The following FRMPD4 variants were observed in gnomAD, a reference collection of about 807,000 sequenced individuals.
The protein encoded by FRMPD4 is FERM and PDZ domain-containing protein 4.
FRMPD4 carries 22 observed loss-of-function variants against 94.1 expected under a neutral mutation model. The ratio of observed to expected loss-of-function variants is 0.23; its 90% confidence interval spans 0.17 to 0.33. The LOEUF (loss-of-function observed/expected upper bound fraction) is 0.33, where lower values mean the gene tolerates loss of function less well. FRMPD4 is among the 10% of genes least tolerant of loss of function. The pLI, the probability that FRMPD4 is intolerant of heterozygous loss-of-function variation, is 1.00. For synonymous variants in FRMPD4, 631 were observed against 548.6 expected (o/e 1.15, Z -2.10); for missense variants, 1,111 against 1,339.9 (o/e 0.83, Z 2.67).
intron 2 of FRMPD4, among the ~76,000 whole-genome samples, chrX:12,558,061 G>A (rs1347582176): frequency 1.8e-5 from 2 of 112,513 alleles, no homozygotes; most frequent in Non-Finnish European, 3.8e-5. Flanking sequence ...AGGTCTGAAG[G>A]ATTCCAAAAA....
rs763794459 is a variant in FRMPD4 at position 12,718,281 on chromosome X, C to G, written c.3455C>G (p.Thr1152Ser). The change falls in exon 16 of 17, where the codon ACT (threonine) becomes AGT (serine). Residue 1152 changes from threonine to serine, a missense_variant. By Grantham distance (58) the Thr-to-Ser change is moderately conservative. Around this residue, in one of 8 missense-constraint regions of FRMPD4, gnomAD observed 551 missense variants for 591.6 expected, o/e 0.93. Coordinates refer to ENST00000675598, the MANE Select transcript of FRMPD4 (RefSeq NM_001368397.1). The part of the protein sequence containing the change: ...SGLGQGDRFL[T>S]DVTCASSAKD... ...CTTGGTCAAGGGGACCGCTTCTTAA[C>G]TGACGTGACCTGTGCATCTTCAGCC... 4.1e-6 allele frequency: 5 copies of G among 1,211,234 alleles called. No individual in the cohort carries two copies. Among genetic ancestry groups the G allele is most frequent in the South Asian group, 1.8e-5 (1 of 56,946 alleles).
chrX:12,439,898 G>T (rs1042091453), intron 1 of FRMPD4, among the ~76,000 whole-genome samples: 1 of 111,906 alleles, frequency 8.9e-6, no homozygotes, highest in Non-Finnish European at 1.9e-5. Context: ...TCCAAAAATG[G>T]GGGGTTGAAA....
At chrX:12,168,791 A>G (rs942755237) in intron 1 of FRMPD4, among the ~76,000 whole-genome samples, 1 of 109,454 alleles carries the variant, frequency 9.1e-6, no homozygotes, top group African/African-American at 3.3e-5. Flanking sequence ...ACGCCTGGCT[A>G]ATTTTTTGTA....
chrX:11,877,187 A>G (rs1022099835), intron 2 of FRMPD4, among the ~76,000 whole-genome samples: 28 of 112,375 alleles, frequency 2.5e-4, no homozygotes, highest in African/African-American at 9.0e-4. Flanking sequence ...AAATTACTGG[A>G]TAGGATCTAG....
At chrX:11,825,405 G>A (rs748329743) in intron 1 of FRMPD4, among the ~76,000 whole-genome samples, 1 of 110,869 alleles carries the variant, frequency 9.0e-6, no homozygotes, top group Non-Finnish European at 1.9e-5. Flanking sequence ...CATTAAACAA[G>A]TATGCCTCTT....
intron 2 of FRMPD4, among the ~76,000 whole-genome samples, chrX:12,541,286 T>G (rs1179051225): frequency 9.0e-5 from 10 of 111,051 alleles, no homozygotes; most frequent in Middle Eastern, 9.4e-3. Context: ...CTTCAAAAAA[T>G]CAATGAATCC....
At chrX:12,202,833 A>G (rs896809106) in intron 1 of FRMPD4, among the ~76,000 whole-genome samples, 2 of 111,871 alleles carry the variant, frequency 1.8e-5, no homozygotes, top group Admixed American at 1.9e-4. Flanking sequence ...AGAGGCTGAG[A>G]TAGAAGTGAT....
chrX:12,068,034 G>A (rs2054936310), intron 3 of FRMPD4, among the ~76,000 whole-genome samples: 2 of 111,710 alleles, frequency 1.8e-5, no homozygotes, highest in Non-Finnish European at 3.8e-5. Flanking sequence ...TTATAAGAGG[G>A]AGTCAGTAGG....
intron 2 of FRMPD4, among the ~76,000 whole-genome samples, chrX:12,556,906 G>A (rs780827593): frequency 5.4e-5 from 6 of 111,916 alleles, no homozygotes; most frequent in East Asian, 2.8e-4. Context: ...GTACAGTGGC[G>A]TGATCATGGC....
chrX:12,336,864 G>T (rs1327318895), intron 1 of FRMPD4, among the ~76,000 whole-genome samples: 1 of 111,577 alleles, frequency 9.0e-6, no homozygotes, highest in Non-Finnish European at 1.9e-5. Context: ...GTGTGTGTCG[G>T]CTCAAAGCTT....
intron 3 of FRMPD4, among the ~76,000 whole-genome samples, chrX:11,903,480 A>G (rs909740315): frequency 1.1e-5 from 1 of 94,441 alleles, no homozygotes; most frequent in African/African-American, 3.6e-5. Flanking sequence ...CACATCCTTG[A>G]TTCTTTATAG....
At chrX:12,474,488 C>T (rs1601991406) in intron 1 of FRMPD4, among the ~76,000 whole-genome samples, 1 of 111,288 alleles carries the variant, frequency 9.0e-6, no homozygotes, top group South Asian at 3.8e-4. Flanking sequence ...AATAGAGACA[C>T]AAAAAACCCT....
At chrX:12,268,598 C>T (rs2054308274) in intron 1 of FRMPD4, among the ~76,000 whole-genome samples, 2 of 111,946 alleles carry the variant, frequency 1.8e-5, no homozygotes, top group South Asian at 7.5e-4. Context: ...ATCTCCTACA[C>T]AGTGATAGGC....
intron 1 of FRMPD4, among the ~76,000 whole-genome samples, chrX:12,187,967 CA>C (rs2056444725): frequency 9.0e-6 from 1 of 111,591 alleles, no homozygotes; most frequent in Admixed American, 9.5e-5. Flanking sequence ...GTGAACACCC[CA>C]AACCAGCATT....
intron 3 of FRMPD4, among the ~76,000 whole-genome samples, chrX:11,901,139 GT>G (rs1179163995): frequency 9.0e-6 from 1 of 111,639 alleles, no homozygotes; most frequent in African/African-American, 3.3e-5. Context: ...GGTACAGGTG[GT>G]TTTTTGTTAC....
At chrX:12,565,166 A>G (rs181241641) in intron 2 of FRMPD4, among the ~76,000 whole-genome samples, 13 of 111,531 alleles carry the variant, frequency 1.2e-4, no homozygotes, top group African/African-American at 3.9e-4. Flanking sequence ...ATATAAATAA[A>G]TGATTTGATA....
At chrX:11,832,816 G>A (rs1334971633) in intron 1 of FRMPD4, among the ~76,000 whole-genome samples, 1 of 111,653 alleles carries the variant, frequency 9.0e-6, no homozygotes, top group Non-Finnish European at 1.9e-5. Flanking sequence ...TGGTACATTC[G>A]TTACAATCAA....
chrX:12,526,990 C>A (rs1442602591), intron 2 of FRMPD4, among the ~76,000 whole-genome samples: 3 of 111,451 alleles, frequency 2.7e-5, no homozygotes, highest in African/African-American at 6.5e-5. Flanking sequence ...AAAAAAAGTG[C>A]TTTTTCTTAT....
intron 2 of FRMPD4, chrX:12,583,548 A>C (rs2058890819): frequency 4.4e-6 from 4 of 906,685 alleles, no homozygotes; most frequent in South Asian, 2.2e-5. Context: ...CATAACCAAA[A>C]CCACGCTCCA....
Sources: gnomAD v4.1 joint callset for allele counts (sites outside exome capture counted in the v4.1 genomes callset) on GRCh38, gnomAD v4.1.1 for gene constraint, gnomAD v4.1.1 regional missense constraint, MANE v1.5 for transcripts, NCBI Gene and HGNC (gene_info 2026-07-23, HGNC 2026-07-21) for gene names.